The following LRMDA variants were observed in gnomAD, a reference collection of about 807,000 sequenced individuals.
LRMDA encodes the protein leucine-rich melanocyte differentiation-associated protein.
In LRMDA, 18 loss-of-function variants were observed where a neutral mutation model predicts 29.8. The observed-to-expected ratio is 0.60, with a 90% confidence interval of 0.42 to 0.90. The LOEUF (loss-of-function observed/expected upper bound fraction) is 0.90, where lower values mean the gene tolerates loss of function less well. Among genes scored for constraint, LRMDA ranks in the 40% least tolerant of loss-of-function variants. The probability of loss-of-function intolerance (pLI) is 0.00; values close to 1 mark genes in which losing one functional copy is unlikely to be tolerated. For missense variants in LRMDA, 273 were observed against 273.9 expected (o/e 1.00, Z 0.02); for synonymous variants, 125 against 109.4 (o/e 1.14, Z -0.89).
intron 5 of LRMDA, among the ~76,000 whole-genome samples, chr10:76,064,228 G>A (rs752761557): frequency 2.6e-5 from 4 of 152,162 alleles, no homozygotes; most frequent in Admixed American, 6.5e-5. Flanking sequence ...GGATTTTCCT[G>A]GGATTATTTA....
At chr10:76,086,460 T>C (rs1849137279) in intron 5 of LRMDA, among the ~76,000 whole-genome samples, 1 of 152,222 alleles carries the variant, frequency 6.6e-6, no homozygotes, top group African/African-American at 2.4e-5. Flanking sequence ...ATGTTCTTCA[T>C]CAAACTCATC....
At chr10:76,403,636 A>G (rs1330369946) in intron 6 of LRMDA, among the ~76,000 whole-genome samples, 1 of 152,222 alleles carries the variant, frequency 6.6e-6, no homozygotes, top group Non-Finnish European at 1.5e-5. Flanking sequence ...TGTTCAGTGC[A>G]TAATGAGTTC....
Position 75,662,031 on chromosome 10 carries a change from C to G in LRMDA, c.131+223537C>G, listed in dbSNP as rs575821491. Reference sequence around the variant, plus strand: ...GGATAGGAAACCTGGAGATAAGAAACAGAAGGAAAAATGTAAACTGAGGAC... The same window carrying G: ...GGATAGGAAACCTGGAGATAAGAAAGAGAAGGAAAAATGTAAACTGAGGAC... On this transcript the variant is annotated intron_variant, in intron 2 of 6. Coordinates refer to ENST00000611255, the MANE Select transcript of LRMDA (RefSeq NM_001305581.2). Among the ~76,000 whole-genome samples, 4 of 151,924 alleles carry G rather than the reference C, an allele frequency of 2.6e-5. No individual in the cohort carries two copies. In the South Asian group the frequency reaches 8.3e-4, roughly 32 times the overall value.
At chr10:76,248,000 G>A (rs1483327269) in intron 5 of LRMDA, among the ~76,000 whole-genome samples, 2 of 152,222 alleles carry the variant, frequency 1.3e-5, no homozygotes, top group African/African-American at 4.8e-5. Context: ...AAATAATGGG[G>A]AAAGGACACA....
At chr10:75,988,117 G>A (rs1215290485) in intron 2 of LRMDA, among the ~76,000 whole-genome samples, 2 of 152,196 alleles carry the variant, frequency 1.3e-5, no homozygotes, top group Admixed American at 1.3e-4. Context: ...AGGATGTTGT[G>A]TTTGCCACTT....
At chr10:75,790,319 G>A (rs1255210932) in intron 2 of LRMDA, among the ~76,000 whole-genome samples, 8 of 152,162 alleles carry the variant, frequency 5.3e-5, no homozygotes, top group Non-Finnish European at 2.9e-5. Context: ...TCCCAGTTGA[G>A]AACTACTGAT....
chr10:75,836,530 C>G (rs1445544724), intron 2 of LRMDA, among the ~76,000 whole-genome samples: 1 of 152,172 alleles, frequency 6.6e-6, no homozygotes, highest in Non-Finnish European at 1.5e-5. Flanking sequence ...AAAGCAGTCC[C>G]TCTGGTAGGC....
chr10:75,903,848 G>A (rs1253552598), intron 2 of LRMDA, among the ~76,000 whole-genome samples: 1 of 152,220 alleles, frequency 6.6e-6, no homozygotes, highest in Non-Finnish European at 1.5e-5. Flanking sequence ...GGGAGTCCCT[G>A]CTTAGCCCCT....
chr10:75,924,915 G>A (rs1021396507), intron 2 of LRMDA, among the ~76,000 whole-genome samples: 2 of 152,138 alleles, frequency 1.3e-5, no homozygotes, highest in Admixed American at 6.5e-5. Context: ...TTGAAGAAAC[G>A]GGTGATTTAA....
chr10:75,549,430 C>T (rs7923372), intron 2 of LRMDA, among the ~76,000 whole-genome samples: 4,528 of 152,040 alleles, frequency 0.03, 217 homozygotes, highest in African/African-American at 0.1. Flanking sequence ...CAACAGACCA[C>T]TGTATTTAAA....
At chr10:75,682,650 G>T (rs558361714) in intron 2 of LRMDA, among the ~76,000 whole-genome samples, 1 of 152,160 alleles carries the variant, frequency 6.6e-6, no homozygotes, top group South Asian at 2.1e-4. Flanking sequence ...CAAAGACCAC[G>T]TGCCTAGAAA....
intron 2 of LRMDA, among the ~76,000 whole-genome samples, chr10:75,798,111 C>CT (rs1039557446): frequency 2.0e-5 from 3 of 146,992 alleles, no homozygotes; most frequent in South Asian, 2.1e-4. Flanking sequence ...ACTCATATAT[C>CT]TTTTTTTCAA....
intron 6 of LRMDA, among the ~76,000 whole-genome samples, chr10:76,377,117 C>G (rs1339667007): frequency 6.6e-6 from 1 of 151,922 alleles, no homozygotes; most frequent in East Asian, 1.9e-4. Flanking sequence ...AATCTCCTGA[C>G]CTCATGATCT....
chr10:76,091,856 A>T (rs1483760269), intron 5 of LRMDA, among the ~76,000 whole-genome samples: 3 of 126,282 alleles, frequency 2.4e-5, no homozygotes, highest in African/African-American at 5.9e-5. Flanking sequence ...TGGGTGATTT[A>T]AAAAAAAAAT....
intron 6 of LRMDA, among the ~76,000 whole-genome samples, chr10:76,516,206 C>G (rs1274138393): frequency 6.6e-6 from 1 of 151,802 alleles, no homozygotes; most frequent in Non-Finnish European, 1.5e-5. Context: ...TAAGAGTTAG[C>G]AAAAGAAACA....
chr10:76,014,128 A>ATATATATAAT, intron 2 of LRMDA, among the ~76,000 whole-genome samples: 1 of 94,844 alleles, frequency 1.1e-5, no homozygotes, highest in East Asian at 3.2e-4. Flanking sequence ...ATATATAATT[A>ATATATATAAT]TATATATATA....
chr10:76,288,515 A>G (rs1211973311), intron 5 of LRMDA, among the ~76,000 whole-genome samples: 1 of 152,132 alleles, frequency 6.6e-6, no homozygotes, highest in Non-Finnish European at 1.5e-5. Flanking sequence ...ACAAAAGCAA[A>G]AATTGACAAA....
At chr10:76,353,330 TTGTGTGTGTG>T (rs3998122) in intron 6 of LRMDA, among the ~76,000 whole-genome samples, 2 of 146,192 alleles carry the variant, frequency 1.4e-5, no homozygotes, top group East Asian at 2.1e-4. Context: ...AGCTGTGGAG[TTGTGTGTGTG>T]TGTGTGTGTG....
At chr10:75,545,837 T>C (rs1294321094) in intron 2 of LRMDA, among the ~76,000 whole-genome samples, 2 of 152,186 alleles carry the variant, frequency 1.3e-5, no homozygotes, top group East Asian at 3.8e-4. Flanking sequence ...GTCCAACATG[T>C]CTGAAATAAT....
Sources: allele counts gnomAD v4.1 joint callset (sites outside exome capture counted in the v4.1 genomes callset), GRCh38; gene constraint gnomAD v4.1.1; transcripts MANE v1.5; gene names NCBI Gene and HGNC (gene_info 2026-07-23, HGNC 2026-07-21).